Variants in BICD1 observed in about 807,000 individuals in gnomAD.
BICD1 encodes BICD cargo adaptor 1.
Under a neutral mutation model 92.5 loss-of-function variants are expected in BICD1, and 35 were observed. The observed-to-expected ratio is 0.38, with a 90% CI of 0.29 to 0.50. BICD1 has a LOEUF of 0.50. Ranked by LOEUF, BICD1 falls within the 20% of genes least tolerant of loss-of-function variation. BICD1 has a pLI of 0.93. For synonymous variants in BICD1, 429 were observed against 465.1 expected, an observed-to-expected ratio of 0.92 and a Z score of 1.00; for missense variants, 950 against 1,189.8, an observed-to-expected ratio of 0.80 and a Z score of 2.97.
intron 2 of BICD1, among the ~76,000 whole-genome samples, chr12:32,262,194 A>C (rs1472440603): frequency 2.0e-5 from 3 of 152,130 alleles, no homozygotes; most frequent in African/African-American, 7.2e-5. Context: ...AACCCTCCCC[A>C]TTGCCTTGAC....
intron 2 of BICD1, among the ~76,000 whole-genome samples, chr12:32,241,676 A>G (rs2136082865): frequency 6.6e-6 from 1 of 152,298 alleles, no homozygotes; most frequent in Non-Finnish European, 1.5e-5. Flanking sequence ...ATGAAGGTTG[A>G]ATTCAACAAG....
rs181558311 is a variant in BICD1, at chr12:32,240,352, C to T, written c.426+23893C>T. On this transcript the variant is annotated intron_variant, in intron 2 of 9. Transcript: ENST00000652176. ...GTAATGTCAAGGTGTAGGGCCATAC[C>T]CCCAGGAAGGCTCTGGGGAAGCGTA... Among the ~76,000 whole-genome samples the T allele has an allele frequency of 1.6e-3, 249 of 151,838 alleles. 2 individuals are homozygous for T. The highest frequency in any genetic ancestry group is 5.9e-3 in the African/African-American group (245 of 41,378).
At position 32,247,162 on chromosome 12, in the gene BICD1, T is replaced by G. The variant is rs1432200892; in HGVS notation, c.426+30703T>G. On this transcript the variant is annotated intron_variant, in intron 2 of 9. Coordinates refer to ENST00000652176, the MANE Select transcript of BICD1 (RefSeq NM_001714.4). Reference sequence around the variant, plus strand: ...GTCCCAGCTACTAGGGAGGCTGAGGTGGGAGGATCACTTGAGTCATGGTAA... The same window carrying G: ...GTCCCAGCTACTAGGGAGGCTGAGGGGGGAGGATCACTTGAGTCATGGTAA... Among the ~76,000 whole-genome samples the G allele has an allele frequency of 2.0e-5, 3 of 147,234 alleles. No homozygotes were observed. In the East Asian group the frequency reaches 6.1e-4, roughly 30 times the overall value.
chr12:32,315,401 G>C (rs891702386), intron 4 of BICD1, among the ~76,000 whole-genome samples: 2 of 152,152 alleles, frequency 1.3e-5, no homozygotes, highest in African/African-American at 4.8e-5. Context: ...AGGAAAGTTT[G>C]CTAGTTCTTT....
chr12:32,242,728 C>T (rs1946269939), intron 2 of BICD1, among the ~76,000 whole-genome samples: 1 of 151,880 alleles, frequency 6.6e-6, no homozygotes, highest in African/African-American at 2.4e-5. Context: ...ACTTTGACAC[C>T]CTAAAGGTTT....
chr12:32,199,698 T>G (rs1944848690), intron 1 of BICD1, among the ~76,000 whole-genome samples: 2 of 152,174 alleles, frequency 1.3e-5, no homozygotes, highest in Non-Finnish European at 2.9e-5. Context: ...CTCTGGAGCC[T>G]CAGTAAATTT....
intron 1 of BICD1, among the ~76,000 whole-genome samples, chr12:32,146,741 A>T (rs1438662830): frequency 6.6e-6 from 1 of 152,088 alleles, no homozygotes; most frequent in Non-Finnish European, 1.5e-5. Flanking sequence ...CGAGTGGCTC[A>T]TGGAAACCAG....
chr12:32,226,933 T>C (rs570132012), intron 2 of BICD1, among the ~76,000 whole-genome samples: 1 of 152,302 alleles, frequency 6.6e-6, no homozygotes, highest in Admixed American at 6.5e-5. Flanking sequence ...TCACAGTTTC[T>C]GGATGTTGGC....
Position 32,383,454 on chromosome 12 carries a change from T to C in BICD1, c.*5827T>C, listed in dbSNP as rs1940255128. 1 of 152,202 alleles carries C rather than the reference T, an allele frequency of 6.6e-6. No individual in the cohort carries two copies. Among genetic ancestry groups the C allele is most frequent in the African/African-American group, 2.4e-5 (1 of 41,474 alleles). 9.4% of individuals were successfully genotyped at this position (152,202 alleles called of 1,614,324 possible). On this transcript the variant is annotated 3_prime_UTR_variant, in exon 10 of 10. Transcript: ENST00000652176. ...ATGTCTCATGGGAGAACACATGATATGTGCTTGTATTTGTGTAATCTGATC... is the reference window on the plus strand; with the variant it reads ...ATGTCTCATGGGAGAACACATGATACGTGCTTGTATTTGTGTAATCTGATC...
intron 2 of BICD1, among the ~76,000 whole-genome samples, chr12:32,227,177 C>T (rs981575294): frequency 2.6e-5 from 4 of 152,182 alleles, no homozygotes; most frequent in Non-Finnish European, 5.9e-5. Context: ...AAGATGGTAA[C>T]GGGGAGCACG....
intron 1 of BICD1, among the ~76,000 whole-genome samples, chr12:32,121,132 C>G (rs894977624): frequency 6.6e-6 from 1 of 151,932 alleles, no homozygotes; most frequent in African/African-American, 2.4e-5. Context: ...CCATGCCTGG[C>G]TAAGTTTTTG....
At chr12:32,363,606 A>G (rs1303814938) in intron 8 of BICD1, among the ~76,000 whole-genome samples, 4 of 114,496 alleles carry the variant, frequency 3.5e-5, no homozygotes, top group African/African-American at 1.4e-4. Context: ...GTCAGCCTAG[A>G]TATCACAACC....
At chr12:32,312,198 AAAAACAAAAC>A (rs10650500) in intron 4 of BICD1, among the ~76,000 whole-genome samples, 6 of 151,302 alleles carry the variant, frequency 4.0e-5, no homozygotes, top group African/African-American at 1.5e-4. Context: ...GAACTATGGA[AAAAACAAAAC>A]AAAACAAAAA....
intron 3 of BICD1, among the ~76,000 whole-genome samples, chr12:32,296,256 G>GTTT (rs373796519): frequency 2.2e-5 from 2 of 90,190 alleles, no homozygotes; most frequent in African/African-American, 3.8e-5. Flanking sequence ...GTTTTTTTTT[G>GTTT]TTTTTTTTTT....
At chr12:32,163,492 T>A (rs1943660093) in intron 1 of BICD1, among the ~76,000 whole-genome samples, 1 of 152,190 alleles carries the variant, frequency 6.6e-6, no homozygotes, top group Non-Finnish European at 1.5e-5. Context: ...TTTCCTCTAG[T>A]GTTTTTCTTG....
At chr12:32,140,576 G>A (rs551895549) in intron 1 of BICD1, among the ~76,000 whole-genome samples, 35 of 152,162 alleles carry the variant, frequency 2.3e-4, no homozygotes, top group Non-Finnish European at 5.0e-4. Flanking sequence ...CGCCTCCCGG[G>A]TTCAAGCAAT....
rs555041314 is a variant in BICD1 at position 32,204,362 on chromosome 12, T to A, written c.214-11885T>A. 5.5e-3 allele frequency among the ~76,000 whole-genome samples: 684 copies of A among 125,064 alleles called. 2 individuals are homozygous for A. Among genetic ancestry groups the A allele is most frequent in the Admixed American group, 0.013 (156 of 12,474 alleles). The allele number at this position is 125,064 out of a possible 152,430, so 82.0% of individuals were successfully genotyped here. On this transcript the variant is annotated intron_variant, in intron 1 of 9. Transcript: ENST00000652176. ...AGACCCTGTCAAAAAAAAAAAAAAA[T>A]GAAAATGTGAATGGTCAATAAAAAT...
At chr12:32,225,767 C>A (rs1945670576) in intron 2 of BICD1, among the ~76,000 whole-genome samples, 1 of 151,606 alleles carries the variant, frequency 6.6e-6, no homozygotes, top group Non-Finnish European at 1.5e-5. Context: ...ATTACAGGCA[C>A]CTACAACCAC....
intron 4 of BICD1, among the ~76,000 whole-genome samples, chr12:32,324,671 G>A (rs1948736276): frequency 1.3e-5 from 2 of 152,058 alleles, no homozygotes; most frequent in Non-Finnish European, 2.9e-5. Context: ...CATCCCCCGG[G>A]TTCAGGCAAT....
Sources: gnomAD v4.1 joint callset for allele counts (sites outside exome capture counted in the v4.1 genomes callset) on GRCh38, gnomAD v4.1.1 for gene constraint, MANE v1.5 for transcripts, NCBI Gene and HGNC (gene_info 2026-07-23, HGNC 2026-07-21) for gene names.